The following KAZN variants were observed in gnomAD, a reference collection of about 807,000 sequenced individuals.
KAZN encodes the protein kazrin.
In KAZN, 40 loss-of-function variants were observed where a neutral mutation model predicts 87.4. That is an observed-to-expected ratio of 0.46 (90% CI 0.36 to 0.60). KAZN has a LOEUF of 0.60. Among genes scored for constraint, KAZN ranks in the 20% least tolerant of loss-of-function variants. KAZN has a pLI of 0.00. For synonymous variants in KAZN, 466 were observed against 458.3 expected (o/e 1.02, Z -0.22); for missense variants, 898 against 1,073.9 (o/e 0.84, Z 2.29).
chr1:14,639,597 C>T (rs1680269778), intron 1 of KAZN, among the ~76,000 whole-genome samples: 1 of 152,084 alleles, frequency 6.6e-6, no homozygotes, highest in African/African-American at 2.4e-5. Flanking sequence ...GAGTGGCTTC[C>T]TCCCCTTCTC....
At chr1:14,532,567 C>T (rs1672266737) in intron 2 of KAZN, among the ~76,000 whole-genome samples, 1 of 150,332 alleles carries the variant, frequency 6.7e-6, no homozygotes, top group Non-Finnish European at 1.5e-5. Context: ...GTGCTGCACC[C>T]ATTAACTGGT....
intron 1 of KAZN, among the ~76,000 whole-genome samples, chr1:13,919,812 A>G (rs972235742): frequency 1.3e-5 from 2 of 152,186 alleles, no homozygotes; most frequent in Non-Finnish European, 2.9e-5. Flanking sequence ...ATTTTGATGT[A>G]GTCCACAATA....
At chr1:15,065,988 C>T (rs1639197701) in intron 8 of KAZN, 4 of 1,341,496 alleles carry the variant, frequency 3.0e-6, no homozygotes, top group East Asian at 2.9e-5. Context: ...TCCCCTGCGT[C>T]GCCACCTCTG....
intron 1 of KAZN, among the ~76,000 whole-genome samples, chr1:14,903,026 G>T (rs1353650664): frequency 1.3e-5 from 2 of 151,754 alleles, no homozygotes; most frequent in African/African-American, 4.8e-5. Flanking sequence ...CTGCCACCAC[G>T]CCCAGCTAAT....
intron 2 of KAZN, among the ~76,000 whole-genome samples, chr1:15,011,981 C>G (rs540303048): frequency 1.5e-4 from 23 of 152,276 alleles, no homozygotes; most frequent in African/African-American, 5.5e-4. Flanking sequence ...TTGGAAGAGC[C>G]TTTCTGTACA....
At chr1:14,982,641 G>A (rs754870220) in intron 2 of KAZN, among the ~76,000 whole-genome samples, 2 of 152,026 alleles carry the variant, frequency 1.3e-5, no homozygotes, top group Non-Finnish European at 2.9e-5. Context: ...TGGCTGTTCT[G>A]GTCTCGAACT....
At chr1:14,717,662 G>A (rs1642864836) in intron 1 of KAZN, among the ~76,000 whole-genome samples, 2 of 152,160 alleles carry the variant, frequency 1.3e-5, no homozygotes, top group South Asian at 2.1e-4. Flanking sequence ...ATAAGGTTCC[G>A]AGGTTCAGAG....
chr1:14,715,298 C>A (rs2100240629), intron 1 of KAZN, among the ~76,000 whole-genome samples: 1 of 152,316 alleles, frequency 6.6e-6, no homozygotes, highest in African/African-American at 2.4e-5. Context: ...TCTTGAACTT[C>A]ACCATATGCT....
intron 1 of KAZN, among the ~76,000 whole-genome samples, chr1:13,981,120 A>ATATGT (rs1638682216): frequency 2.3e-4 from 5 of 22,190 alleles, no homozygotes; most frequent in South Asian, 1.4e-3. Flanking sequence ...TGTATATATA[A>ATATGT]ACACAGATTA....
At chr1:15,026,491 G>A (rs1323282929) in intron 2 of KAZN, among the ~76,000 whole-genome samples, 2 of 152,134 alleles carry the variant, frequency 1.3e-5, no homozygotes, top group African/African-American at 4.8e-5. Context: ...TATGCTGGGG[G>A]AAAACCGAGG....
intron 2 of KAZN, among the ~76,000 whole-genome samples, chr1:14,253,143 C>T (rs1475221677): frequency 6.6e-6 from 1 of 151,702 alleles, no homozygotes; most frequent in African/African-American, 2.4e-5. Flanking sequence ...AAAACGGCCC[C>T]ACCCGGTTAC....
At chr1:14,163,453 C>T (rs929173580) in intron 1 of KAZN, among the ~76,000 whole-genome samples, 3 of 152,176 alleles carry the variant, frequency 2.0e-5, no homozygotes, top group African/African-American at 4.8e-5. Context: ...AGTGTGTTTA[C>T]TGACATTGTG....
chr1:14,441,919 A>C (rs1485316205), intron 2 of KAZN, among the ~76,000 whole-genome samples: 2 of 152,190 alleles, frequency 1.3e-5, no homozygotes, highest in Non-Finnish European at 2.9e-5. Context: ...AAGTCAAGTA[A>C]CCTTCTGAGC....
chr1:14,382,372 G>C (rs1020953920), intron 2 of KAZN, among the ~76,000 whole-genome samples: 2 of 151,288 alleles, frequency 1.3e-5, no homozygotes, highest in Non-Finnish European at 2.9e-5. Flanking sequence ...CAATGTGCAG[G>C]TTACTTACAT....
intron 1 of KAZN, among the ~76,000 whole-genome samples, chr1:14,047,735 G>A (rs868214630): frequency 1.3e-5 from 2 of 152,090 alleles, no homozygotes; most frequent in East Asian, 1.9e-4. Context: ...GGGTGTGGTG[G>A]CACACACCTG....
At chr1:14,942,034 T>A (rs1450549088) in intron 1 of KAZN, among the ~76,000 whole-genome samples, 1 of 152,218 alleles carries the variant, frequency 6.6e-6, no homozygotes, top group Non-Finnish European at 1.5e-5. Context: ...ACAGGGCTTG[T>A]TCGTGTCCCA....
At chr1:15,093,223 C>T (rs1278685259) in intron 8 of KAZN, among the ~76,000 whole-genome samples, 1 of 152,046 alleles carries the variant, frequency 6.6e-6, no homozygotes, top group Non-Finnish European at 1.5e-5. Flanking sequence ...CACAAATGCA[C>T]ACACCTCAAA....
At chr1:13,947,136 A>G (rs1570357661) in intron 1 of KAZN, among the ~76,000 whole-genome samples, 1 of 152,284 alleles carries the variant, frequency 6.6e-6, no homozygotes, top group South Asian at 2.1e-4. Flanking sequence ...TAAAGGAAAG[A>G]GGTTTAATTG....
intron 2 of KAZN, among the ~76,000 whole-genome samples, chr1:14,569,316 TC>T (rs1395873595): frequency 1.5e-5 from 2 of 133,440 alleles, no homozygotes; most frequent in African/African-American, 5.6e-5. Flanking sequence ...CTCTACTTCC[TC>T]TGCTTTTTTT....
Sources: allele counts gnomAD v4.1 joint callset (sites outside exome capture counted in the v4.1 genomes callset), GRCh38; gene constraint gnomAD v4.1.1; transcripts MANE v1.5; gene names NCBI Gene and HGNC (gene_info 2026-07-23, HGNC 2026-07-21).